BARD1: variants seen among roughly 807,000 people sequenced by gnomAD.
BARD1 encodes BRCA1 associated RING domain 1.
A neutral mutation model predicts 77.0 loss-of-function variants in BARD1; 73 were observed. The observed-to-expected ratio is 0.95, with a 90% confidence interval of 0.79 to 1.15. BARD1 has a LOEUF of 1.15. Among genes scored for constraint, BARD1 ranks in the 50% most tolerant of loss-of-function variants. The pLI, the probability that BARD1 is intolerant of heterozygous loss-of-function variation, is 0.00. For synonymous variants in BARD1, 384 were observed against 338.0 expected (o/e 1.14, Z -1.49); for missense variants, 993 against 938.8 (o/e 1.06, Z -0.75).
At chr2:214,742,092 G>C (rs1692861637) in intron 9 of BARD1, among the ~76,000 whole-genome samples, 2 of 152,200 alleles carry the variant, frequency 1.3e-5, no homozygotes, top group South Asian at 4.1e-4. Flanking sequence ...CTACCAGCAA[G>C]TTAATGGACA....
intron 3 of BARD1, among the ~76,000 whole-genome samples, chr2:214,783,293 G>A (rs546190327): frequency 1.3e-5 from 2 of 152,204 alleles, no homozygotes; most frequent in African/African-American, 4.8e-5. Flanking sequence ...ATTAAAGGAT[G>A]GCCAGTATAC....
At chr2:214,777,838 A>G (rs1479627756) in intron 4 of BARD1, among the ~76,000 whole-genome samples, 1 of 152,218 alleles carries the variant, frequency 6.6e-6, no homozygotes, top group East Asian at 1.9e-4. Flanking sequence ...CAATATGTGT[A>G]CACATAGATT....
In BARD1 at chr2:214,809,502, G is replaced by A. The variant is rs1696467337; in HGVS notation, c.68C>T (p.Ala23Val). 3 of 1,602,678 alleles carry A rather than the reference G, an allele frequency of 1.9e-6. No homozygotes were observed. Among genetic ancestry groups the A allele is most frequent in the South Asian group, 1.1e-5 (1 of 89,978 alleles). The change falls in exon 1 of 11, where the codon GCG (alanine) becomes GTG (valine). Residue 23 changes from alanine (A) to valine (V), a missense_variant. Ala to Val is a moderately conservative substitution (Grantham distance 64). Transcript: ENST00000260947. ...RIRSGNEPRS[A>V]PAMEPDGRGA... ...GCGACCATCCGGTTCCATGGCGGGC[G>A]CGGAACGAGGCTCGTTCCCGGAGCG... is the stretch of plus-strand genomic sequence containing the variant.
chr2:214,739,139 G>A (rs1289051619), intron 9 of BARD1, among the ~76,000 whole-genome samples: 2 of 151,710 alleles, frequency 1.3e-5, no homozygotes, highest in Non-Finnish European at 2.9e-5. Context: ...ACAGAGTGAG[G>A]GAGGGGAAAA....
At chr2:214,775,375 A>C (rs1180391651) in intron 4 of BARD1, among the ~76,000 whole-genome samples, 1 of 152,152 alleles carries the variant, frequency 6.6e-6, no homozygotes, top group Non-Finnish European at 1.5e-5. Context: ...AGGGAGAGAG[A>C]TGGGAGAATT....
At chr2:214,798,624 G>C (rs1049024702) in intron 1 of BARD1, among the ~76,000 whole-genome samples, 6 of 151,998 alleles carry the variant, frequency 3.9e-5, no homozygotes, top group African/African-American at 7.3e-5. Context: ...GCCCAGGCCA[G>C]AGTTAACTAT....
At chr2:214,792,949 G>C (rs1193594621) in intron 2 of BARD1, among the ~76,000 whole-genome samples, 1 of 152,110 alleles carries the variant, frequency 6.6e-6, no homozygotes. Flanking sequence ...GGTTATCTAA[G>C]GACTAAAGTT....
At chr2:214,786,573 G>C (rs1336011064) in intron 3 of BARD1, among the ~76,000 whole-genome samples, 2 of 150,216 alleles carry the variant, frequency 1.3e-5, no homozygotes, top group East Asian at 1.9e-4. Flanking sequence ...TGGGAAACAG[G>C]CTTTGAAAAA....
In BARD1 at chr2:214,809,680, G is replaced by A. The variant is rs1213862684; in HGVS notation, c.-111C>T. The A allele has an allele frequency of 6.4e-6, 9 of 1,416,884 alleles. No individual in the cohort carries two copies. The East Asian group carries it at 1.5e-4, about 24-fold the overall frequency. 87.8% of individuals were successfully genotyped at this position (1,416,884 alleles called of 1,614,324 possible). A position where few individuals can be genotyped will look rare whatever the true frequency, so the allele number is the denominator to read the frequency against. ...TCGAAACCGGCCAAGCTCTTCCCGCGTCTGGGACGGCGGGCCGCCAGAGGG... is the reference window on the plus strand; with the variant it reads ...TCGAAACCGGCCAAGCTCTTCCCGCATCTGGGACGGCGGGCCGCCAGAGGG... On this transcript the variant is annotated 5_prime_UTR_variant, in exon 1 of 11. It adds an upstream start codon to the 5' untranslated region. Transcript: ENST00000260947.
intron 9 of BARD1, among the ~76,000 whole-genome samples, chr2:214,733,943 G>T (rs1378939611): frequency 6.6e-6 from 1 of 152,130 alleles, no homozygotes; most frequent in Non-Finnish European, 1.5e-5. Flanking sequence ...AGACAAACAT[G>T]AGAAGATTCG....
rs730881413 is a variant in BARD1 at position 214,781,409 on chromosome 2, T to C, written c.465A>G (p.Arg155=). ...GCACTGAAGCTTTACTCACAACATA[T>C]CTGACTTTCTTACTTCGAGGGCTAA... ...MWFSPRSKKV[R]YVVSKASVQT... The change falls in exon 4 of 11, where the codon AGA becomes AGG. Residue 155 remains arginine (R), a synonymous_variant. Coordinates refer to ENST00000260947, the MANE Select transcript of BARD1 (RefSeq NM_000465.4). 21 of 1,613,586 alleles carry C rather than the reference T, an allele frequency of 1.3e-5. No homozygotes were observed. The highest frequency in any genetic ancestry group is 1.7e-5 in the Admixed American group (1 of 59,962).
At chr2:214,761,154 C>T (rs544886957) in intron 6 of BARD1, among the ~76,000 whole-genome samples, 4 of 150,892 alleles carry the variant, frequency 2.7e-5, no homozygotes, top group African/African-American at 9.7e-5. Context: ...CTACTAATAA[C>T]AAAACTAGAG....
At chr2:214,748,891 T>C (rs1448196363) in intron 7 of BARD1, among the ~76,000 whole-genome samples, 1 of 152,112 alleles carries the variant, frequency 6.6e-6, no homozygotes. Context: ...GAACACTCAG[T>C]ATGTGCCAAA....
intron 4 of BARD1, among the ~76,000 whole-genome samples, chr2:214,778,730 G>C (rs1041676743): frequency 2.0e-5 from 3 of 152,142 alleles, no homozygotes; most frequent in Non-Finnish European, 4.4e-5. Context: ...CGCTATGATA[G>C]AGATTTCATG....
Position 214,781,201 on chromosome 2 carries a change from C to A in BARD1, c.673G>T (p.Glu225Ter), listed in dbSNP as rs1064793049. ...TCTTTGGAGTCAAATTCACCATCTTCTTTTTCTGCCTCTAAATTCCATTTT... is the reference window on the plus strand; with the variant it reads ...TCTTTGGAGTCAAATTCACCATCTTATTTTTCTGCCTCTAAATTCCATTTT... ...NQKWNLEAEK[E>*]DGEFDSKEES... Residue 225 changes from glutamate to a stop codon, truncating the protein, a stop_gained, in exon 4 of 11, where the codon GAA (glutamate) becomes TAA (stop). Transcript: ENST00000260947. LOFTEE classifies it high-confidence loss of function. The A allele has an allele frequency of 7.5e-6, 12 of 1,590,402 alleles. No homozygotes were observed. Among genetic ancestry groups the A allele is most frequent in the Non-Finnish European group, 1.0e-5 (12 of 1,174,154 alleles).
In BARD1 at chr2:214,777,338, T is replaced by G. The variant is rs185324412; in HGVS notation, c.1314+3222A>C. Among the ~76,000 whole-genome samples the G allele has an allele frequency of 2.0e-5, 3 of 152,274 alleles. No homozygotes were observed. The East Asian group carries it at 5.8e-4, about 29-fold the overall frequency. ...TTGGGGCAAGGTATTATACGATGTTTATTAATAATGTTTCCAAGCTCAGAA... is the reference window on the plus strand; with the variant it reads ...TTGGGGCAAGGTATTATACGATGTTGATTAATAATGTTTCCAAGCTCAGAA... On this transcript the variant is annotated intron_variant, in intron 4 of 10. Coordinates refer to ENST00000260947, the MANE Select transcript of BARD1 (RefSeq NM_000465.4).
rs575097736 is a variant in BARD1, at chr2:214,745,985, A to G, written c.1678-131T>C. 246 of 1,112,988 alleles carry G rather than the reference A, an allele frequency of 2.2e-4. 3 individuals are homozygous for G. The East Asian group carries it at 5.9e-3, about 27-fold the overall frequency. 68.9% of individuals were successfully genotyped at this position (1,112,988 alleles called of 1,614,324 possible). On this transcript the variant is annotated intron_variant, in intron 7 of 10. Transcript: ENST00000260947. Reference sequence around the variant, plus strand: ...ACTCTAATAATTTTCAATTATTTCCATTGAATCTACACCCAGAACCTTTTA... The same window carrying G: ...ACTCTAATAATTTTCAATTATTTCCGTTGAATCTACACCCAGAACCTTTTA...
intron 7 of BARD1, among the ~76,000 whole-genome samples, chr2:214,750,539 T>C (rs914118228): frequency 1.3e-5 from 2 of 152,198 alleles, no homozygotes; most frequent in African/African-American, 2.4e-5. Context: ...TCTCACTTTG[T>C]ACACCTGACT....
chr2:214,753,462 A>G (rs1693551678), intron 6 of BARD1, among the ~76,000 whole-genome samples: 1 of 152,192 alleles, frequency 6.6e-6, no homozygotes, highest in Non-Finnish European at 1.5e-5. Context: ...AGATTATGCT[A>G]TATTCATATA....
Sources: allele counts gnomAD v4.1 joint callset (sites outside exome capture counted in the v4.1 genomes callset), GRCh38; gene constraint gnomAD v4.1.1; transcripts MANE v1.5; gene names NCBI Gene and HGNC (gene_info 2026-07-23, HGNC 2026-07-21).